The following USH2A variants were observed in gnomAD, a reference collection of about 807,000 sequenced individuals.
USH2A encodes the protein usherin.
A neutral mutation model predicts 538.9 loss-of-function variants in USH2A; 443 were observed. The observed-to-expected ratio is 0.82, with a 90% confidence interval of 0.76 to 0.89. The LOEUF (loss-of-function observed/expected upper bound fraction) is 0.89. USH2A is among the 40% of genes least tolerant of loss of function. The pLI, the probability that USH2A is intolerant of heterozygous loss-of-function variation, is 0.00. For synonymous variants in USH2A, 2,413 were observed against 2,273.5 expected, an observed-to-expected ratio of 1.06 and a Z score of -1.75; for missense variants, 6,633 against 6,324.8, an observed-to-expected ratio of 1.05 and a Z score of -1.65.
chr1:216,074,430 T>C lies in USH2A; in HGVS notation c.5573-1130A>G, dbSNP rs2031680361. Among the ~76,000 whole-genome samples, 5 of 151,980 alleles carry C rather than the reference T, an allele frequency of 3.3e-5. No homozygotes were observed. In the South Asian group the frequency reaches 1.0e-3, roughly 31 times the overall value. On this transcript the variant is annotated intron_variant, in intron 27 of 71. Coordinates refer to ENST00000307340, the MANE Select transcript of USH2A (RefSeq NM_206933.4). ...AAGATTAAAGCACAGCAGCAGGAAA[T>C]GGAAATAAAATATAATGAAATGCAT... is the stretch of plus-strand genomic sequence containing the variant.
Position 215,878,694 on chromosome 1 carries a change from C to T in USH2A, c.8558+70G>A, listed in dbSNP as rs572289397. 2.5e-5 allele frequency: 37 copies of T among 1,502,840 alleles called. No homozygotes were observed. The African/African-American group carries it at 3.7e-4, about 15-fold the overall frequency. 93.1% of individuals were successfully genotyped at this position (1,502,840 alleles called of 1,614,324 possible). A position where few individuals can be genotyped will look rare whatever the true frequency, so the allele number is the denominator to read the frequency against. ...TATGTTCATATAGGAATAAAAGCCT[C>T]CTTCATTTCCCTACTTCTCAGAGAG... is the stretch of plus-strand genomic sequence containing the variant. On this transcript the variant is annotated intron_variant, in intron 42 of 71. Transcript: ENST00000307340.
In USH2A at chr1:215,728,022, G is replaced by A. The variant is rs1450214940; in HGVS notation, c.12066+8C>T. The A allele has an allele frequency of 6.2e-7, 1 of 1,613,242 alleles. No homozygotes were observed. The highest frequency in any genetic ancestry group is 8.5e-7 in the Non-Finnish European group (1 of 1,179,626). On this transcript the variant is annotated splice_region_variant and intron_variant, in intron 61 of 71. Coordinates refer to ENST00000307340, the MANE Select transcript of USH2A (RefSeq NM_206933.4). Reference sequence around the variant, plus strand: ...CTGCATGTCTGTTACTTTTCTAAAGGGTCTTACCTTCACTGTGAAAGCATG... The same window carrying A: ...CTGCATGTCTGTTACTTTTCTAAAGAGTCTTACCTTCACTGTGAAAGCATG...
In USH2A at chr1:215,758,580, CTT is replaced by C. The variant is rs79494833; in HGVS notation, c.11389+13_11389+14del. 2.9e-4 allele frequency: 395 copies of C among 1,339,870 alleles called. No individual in the cohort carries two copies. Among genetic ancestry groups the C allele is most frequent in the Admixed American group, 3.5e-4 (19 of 54,200 alleles). 83.0% of individuals were successfully genotyped at this position (1,339,870 alleles called of 1,614,324 possible). On this transcript the variant is annotated intron_variant, in intron 58 of 71. Coordinates refer to ENST00000307340, the MANE Select transcript of USH2A (RefSeq NM_206933.4). Reference sequence around the variant, plus strand: ...TGTTTACACACACACACACATACTTCTTTTTTTTTTTTACCTGGTGGTATCCA... The same window carrying C: ...TGTTTACACACACACACACATACTTCTTTTTTTTTTACCTGGTGGTATCCA...
chr1:215,759,617 A>G (rs1231390415), intron 57 of USH2A, 43 bp downstream of exon 57: 4 of 1,611,272 alleles, frequency 2.5e-6, no homozygotes, highest in African/African-American at 1.3e-5. Flanking sequence ...AGAGAAATGT[A>G]CAAATCCTGC....
intron 20 of USH2A, among the ~76,000 whole-genome samples, chr1:216,175,782 C>T (rs946522523): frequency 1.3e-5 from 2 of 152,136 alleles, no homozygotes; most frequent in African/African-American, 4.8e-5. Context: ...ATTATAGTAG[C>T]TGCTGTACTC....
intron 3 of USH2A, among the ~76,000 whole-genome samples, chr1:216,391,496 G>A (rs890948320): frequency 6.6e-6 from 1 of 152,156 alleles, no homozygotes; most frequent in African/African-American, 2.4e-5. Flanking sequence ...GACAGGTAAA[G>A]TCCTCCTGGA....
intron 9 of USH2A, among the ~76,000 whole-genome samples, chr1:216,301,244 T>C (rs950359921): frequency 1.3e-5 from 2 of 152,176 alleles, no homozygotes; most frequent in Non-Finnish European, 2.9e-5. Context: ...CAAAGATATA[T>C]GAAGTCCTTG....
chr1:215,976,406 C>T (rs549467370), intron 35 of USH2A, among the ~76,000 whole-genome samples: 1 of 152,194 alleles, frequency 6.6e-6, no homozygotes, highest in Admixed American at 6.5e-5. Flanking sequence ...AGATAGAATG[C>T]TTCCAGCTTC....
In USH2A at chr1:215,757,833, C is replaced by T. The variant is rs558215617; in HGVS notation, c.11389+762G>A. 9.2e-5 allele frequency among the ~76,000 whole-genome samples: 14 copies of T among 152,234 alleles called. No homozygotes were observed. In the South Asian group the frequency reaches 1.5e-3, roughly 16 times the overall value. The stretch of plus-strand genomic sequence containing the variant: ...ATGCAGCTACCATAAGTGGTCACAA[C>T]CCAAGGTACATGGGTGAAGTGAACA... On this transcript the variant is annotated intron_variant, in intron 58 of 71. Transcript: ENST00000307340.
chr1:215,779,708 C>A, intron 55 of USH2A, 135 bp downstream of exon 55: 1 of 1,048,600 alleles, frequency 9.5e-7, no homozygotes, highest in African/African-American at 1.6e-5. Flanking sequence ...ATAAGTGGGA[C>A]CTGACCATAT....
rs567254072 is a variant in USH2A at position 216,303,266 on chromosome 1, A to G, written c.1645-10896T>C. 9.2e-5 allele frequency among the ~76,000 whole-genome samples: 14 copies of G among 152,096 alleles called. No homozygotes were observed. The South Asian group carries it at 2.9e-3, about 32-fold the overall frequency. On this transcript the variant is annotated intron_variant, in intron 9 of 71. Coordinates refer to ENST00000307340, the MANE Select transcript of USH2A (RefSeq NM_206933.4). ...ACCATAATAATTTAACCCTATTGATATTCCAGGAAATATGGCCTGGAATAG... is the reference window on the plus strand; with the variant it reads ...ACCATAATAATTTAACCCTATTGATGTTCCAGGAAATATGGCCTGGAATAG...
chr1:215,730,491 T>C (rs1045779766), intron 60 of USH2A, among the ~76,000 whole-genome samples: 7 of 152,202 alleles, frequency 4.6e-5, no homozygotes, highest in Non-Finnish European at 8.8e-5. Flanking sequence ...GAGTGATGAA[T>C]ACAGTAATAT....
chr1:216,049,263 AGTTT>A (rs1285715002), intron 30 of USH2A, among the ~76,000 whole-genome samples: 1 of 152,208 alleles, frequency 6.6e-6, no homozygotes, highest in African/African-American at 2.4e-5. Context: ...CAAAATTATT[AGTTT>A]ATTTAATTAA....
intron 34 of USH2A, 85 bp downstream of exon 34, chr1:215,998,802 T>G: frequency 2.1e-6 from 3 of 1,432,938 alleles, no homozygotes; most frequent in African/African-American, 1.4e-5. Context: ...TTTTTTTAAG[T>G]GAGAGAGAAA....
At chr1:216,214,403 AT>A (rs1413435997) in intron 15 of USH2A, among the ~76,000 whole-genome samples, 1 of 152,058 alleles carries the variant, frequency 6.6e-6, no homozygotes, top group African/African-American at 2.4e-5. Context: ...CCTCAAAAAC[AT>A]TTTGTTAAGA....
intron 13 of USH2A, among the ~76,000 whole-genome samples, chr1:216,237,162 T>C (rs1356709184): frequency 6.6e-6 from 1 of 152,222 alleles, no homozygotes; most frequent in African/African-American, 2.4e-5. Context: ...GATAATTCCA[T>C]TTCTAGACCC....
chr1:215,956,807 A>G (rs1456106672), intron 37 of USH2A, among the ~76,000 whole-genome samples: 1 of 152,160 alleles, frequency 6.6e-6, no homozygotes. Flanking sequence ...GGTCTTAAAC[A>G]AGTTTGATAA....
At chr1:216,381,197 C>T (rs930905875) in intron 3 of USH2A, among the ~76,000 whole-genome samples, 4 of 151,960 alleles carry the variant, frequency 2.6e-5, no homozygotes, top group African/African-American at 7.3e-5. Flanking sequence ...GAAAAGTGTA[C>T]AAGCTAGAAG....
At chr1:215,669,945 T>C (rs986566834) in intron 64 of USH2A, among the ~76,000 whole-genome samples, 2 of 152,206 alleles carry the variant, frequency 1.3e-5, no homozygotes, top group Admixed American at 6.5e-5. Context: ...TTTCCTCTTT[T>C]AGAAAATTTC....
Sources: gnomAD v4.1 joint callset for allele counts (sites outside exome capture counted in the v4.1 genomes callset) on GRCh38, gnomAD v4.1.1 for gene constraint, MANE v1.5 for transcripts, NCBI Gene and HGNC (gene_info 2026-07-23, HGNC 2026-07-21) for gene names.